TENM3: variants seen among roughly 807,000 people sequenced by gnomAD.
TENM3 encodes the protein teneurin-3.
TENM3 carries 63 observed loss-of-function variants against 255.1 expected under a neutral mutation model. The observed-to-expected ratio is 0.25, with a 90% CI of 0.20 to 0.30. The LOEUF (loss-of-function observed/expected upper bound fraction) is 0.30. TENM3 is among the 10% of genes least tolerant of loss of function. The pLI, the probability that TENM3 is intolerant of heterozygous loss-of-function variation, is 1.00. For synonymous variants in TENM3, 1,306 were observed against 1,322.3 expected (o/e 0.99, Z 0.27); for missense variants, 2,929 against 3,461.1 (o/e 0.85, Z 3.86).
the TENM3 span, among the ~76,000 whole-genome samples, chr4:181,606,352 G>T: frequency 6.6e-6 from 1 of 152,092 alleles, no homozygotes; most frequent in South Asian, 2.1e-4. Flanking sequence ...CAGCCACACT[G>T]ACCTCCTCTT....
chr4:182,473,534 G>A (rs772703138), intron 3 of TENM3, among the ~76,000 whole-genome samples: 5 of 152,252 alleles, frequency 3.3e-5, no homozygotes, highest in East Asian at 1.9e-4. Flanking sequence ...TTAGCCAGGC[G>A]TGGTGGCGGG....
chr4:181,568,063 G>C, the TENM3 span, among the ~76,000 whole-genome samples: 3 of 152,004 alleles, frequency 2.0e-5, no homozygotes, highest in African/African-American at 7.2e-5. Flanking sequence ...GAATGATCAA[G>C]CATCTAGCAG....
the TENM3 span, among the ~76,000 whole-genome samples, chr4:181,746,602 C>T: frequency 1.3e-5 from 2 of 151,926 alleles, no homozygotes; most frequent in South Asian, 2.1e-4. Flanking sequence ...CTATTGACAG[C>T]CATTTAATTA....
intron 22 of TENM3, among the ~76,000 whole-genome samples, chr4:182,760,275 C>A (rs1763073529): frequency 6.6e-6 from 1 of 152,188 alleles, no homozygotes; most frequent in Admixed American, 6.5e-5. Context: ...ATCTCACCTG[C>A]TAAATATTTA....
At chr4:182,531,719 A>G (rs1399288665) in intron 3 of TENM3, among the ~76,000 whole-genome samples, 1 of 152,092 alleles carries the variant, frequency 6.6e-6, no homozygotes, top group Non-Finnish European at 1.5e-5. Context: ...CATGTGTGAA[A>G]TGTGTTCTGC....
the TENM3 span, among the ~76,000 whole-genome samples, chr4:181,825,122 G>C: frequency 6.6e-6 from 1 of 152,164 alleles, no homozygotes; most frequent in Non-Finnish European, 1.5e-5. Context: ...AAAGATTCAG[G>C]CTGGACGCGG....
the TENM3 span, among the ~76,000 whole-genome samples, chr4:181,857,274 C>G: frequency 6.9e-6 from 1 of 145,866 alleles, no homozygotes; most frequent in Admixed American, 7.1e-5. Flanking sequence ...AGATCAAGGG[C>G]AGAGGTTTTG....
At chr4:182,157,184 G>C (rs1561146620) in intron 1 of TENM3, among the ~76,000 whole-genome samples, 1 of 152,128 alleles carries the variant, frequency 6.6e-6, no homozygotes, top group Non-Finnish European at 1.5e-5. Flanking sequence ...TAACAAAGGG[G>C]CCCTGGGGCT....
At chr4:181,679,765 G>T in the TENM3 span, among the ~76,000 whole-genome samples, 3 of 152,082 alleles carry the variant, frequency 2.0e-5, no homozygotes, top group African/African-American at 7.2e-5. Flanking sequence ...ACTAAATAGT[G>T]CATTTGTTAT....
At chr4:182,434,644 CA>C (rs397878555) in intron 3 of TENM3, among the ~76,000 whole-genome samples, 19,571 of 121,652 alleles carry the variant, frequency 0.16, 1,647 homozygotes, top group Non-Finnish European at 0.23. Flanking sequence ...GCCTGGGAGA[CA>C]AAAAAAAAAA....
At chr4:182,082,433 G>A in the TENM3 span, among the ~76,000 whole-genome samples, 2 of 152,090 alleles carry the variant, frequency 1.3e-5, no homozygotes, top group Non-Finnish European at 2.9e-5. Flanking sequence ...TCAGACCATA[G>A]CAATAATGTA....
At chr4:182,609,549 G>A (rs184044975) in intron 4 of TENM3, among the ~76,000 whole-genome samples, 117 of 152,320 alleles carry the variant, frequency 7.7e-4, no homozygotes, top group African/African-American at 2.6e-3. Flanking sequence ...TGATTCTGCT[G>A]TAACCTTCTT....
At chr4:182,529,791 C>T (rs938464547) in intron 3 of TENM3, among the ~76,000 whole-genome samples, 2 of 152,168 alleles carry the variant, frequency 1.3e-5, no homozygotes, top group Non-Finnish European at 2.9e-5. Context: ...ACACCAAAGT[C>T]ATGGTTTACA....
chr4:181,659,457 G>A, the TENM3 span, among the ~76,000 whole-genome samples: 1 of 152,090 alleles, frequency 6.6e-6, no homozygotes, highest in African/African-American at 2.4e-5. Flanking sequence ...ACAATTCTAT[G>A]GGGAATAGAA....
chr4:182,603,215 T>A (rs1748067015), intron 4 of TENM3, among the ~76,000 whole-genome samples: 1 of 152,180 alleles, frequency 6.6e-6, no homozygotes, highest in Admixed American at 6.5e-5. Context: ...ATATAAGAAA[T>A]CACTCCCATG....
chr4:182,355,032 C>T (rs577165367), intron 3 of TENM3, among the ~76,000 whole-genome samples: 4 of 152,180 alleles, frequency 2.6e-5, no homozygotes, highest in South Asian at 4.2e-4. Context: ...GGCAAGTAGG[C>T]GTGTAATTAG....
intron 3 of TENM3, among the ~76,000 whole-genome samples, chr4:182,537,780 CCT>C (rs1260302975): frequency 6.6e-6 from 1 of 151,898 alleles, no homozygotes; most frequent in African/African-American, 2.4e-5. Flanking sequence ...CGTTTGTGTC[CCT>C]GTCTCTGTGT....
At chr4:182,426,000 T>C (rs1340981236) in intron 3 of TENM3, among the ~76,000 whole-genome samples, 2 of 63,124 alleles carry the variant, frequency 3.2e-5, no homozygotes, top group East Asian at 7.1e-4. Flanking sequence ...AGAGCGAGAG[T>C]CCATGTCAAA....
chr4:182,627,873 A>G (rs1750977796), intron 4 of TENM3, among the ~76,000 whole-genome samples: 1 of 151,894 alleles, frequency 6.6e-6, no homozygotes, highest in South Asian at 2.1e-4. Flanking sequence ...TTTTAGAGAC[A>G]GTTTGCTCTC....
Sources: gnomAD v4.1 joint callset for allele counts (sites outside exome capture counted in the v4.1 genomes callset) on GRCh38, gnomAD v4.1.1 for gene constraint, MANE v1.5 for transcripts, NCBI Gene and HGNC (gene_info 2026-07-23, HGNC 2026-07-21) for gene names.